Variants in AUH observed in about 807,000 individuals in gnomAD.
AUH encodes AU RNA binding methylglutaconyl-CoA hydratase.
A neutral mutation model predicts 42.3 loss-of-function variants in AUH; 29 were observed. The ratio of observed to expected loss-of-function variants is 0.69; its 90% CI spans 0.51 to 0.93. The LOEUF (loss-of-function observed/expected upper bound fraction) is 0.93, where lower values mean the gene tolerates loss of function less well. Among genes scored for constraint, AUH ranks in the 40% least tolerant of loss-of-function variants. The pLI, the probability that AUH is intolerant of heterozygous loss-of-function variation, is 0.00. For missense variants in AUH, 452 were observed against 438.1 expected, an observed-to-expected ratio of 1.03 and a Z score of -0.28; for synonymous variants, 174 against 166.4, an observed-to-expected ratio of 1.05 and a Z score of -0.35.
At chr9:91,280,463 G>A (rs1825875885) in intron 6 of AUH, among the ~76,000 whole-genome samples, 1 of 151,942 alleles carries the variant, frequency 6.6e-6, no homozygotes, top group Admixed American at 6.5e-5. Flanking sequence ...AAAAATGAGA[G>A]CAATAAACAC....
intron 4 of AUH, among the ~76,000 whole-genome samples, chr9:91,313,675 G>A (rs1043876736): frequency 2.2e-5 from 3 of 135,884 alleles, no homozygotes; most frequent in Non-Finnish European, 3.0e-5. Flanking sequence ...ACTGCAGTCC[G>A]CAGTCCGGCC....
chr9:91,297,293 G>T (rs1183339515), intron 5 of AUH, among the ~76,000 whole-genome samples: 1 of 152,184 alleles, frequency 6.6e-6, no homozygotes, highest in Non-Finnish European at 1.5e-5. Context: ...TACATGTCAA[G>T]TGCTAGAATA....
chr9:91,258,291 A>T (rs914846165), intron 6 of AUH, among the ~76,000 whole-genome samples: 12 of 152,134 alleles, frequency 7.9e-5, no homozygotes, highest in African/African-American at 2.9e-4. Context: ...GATGGAGTGC[A>T]ATCGTGTGAT....
intron 6 of AUH, among the ~76,000 whole-genome samples, chr9:91,283,489 C>T (rs372532344): frequency 1.3e-5 from 2 of 151,866 alleles, no homozygotes; most frequent in Non-Finnish European, 2.9e-5. Flanking sequence ...AAGAAATAAA[C>T]GGTATTCAAT....
intron 4 of AUH, among the ~76,000 whole-genome samples, chr9:91,316,660 T>C (rs1829182072): frequency 6.6e-6 from 1 of 152,222 alleles, no homozygotes; most frequent in South Asian, 2.1e-4. Flanking sequence ...TTCCTATGTC[T>C]ACCCTCACTC....
intron 6 of AUH, among the ~76,000 whole-genome samples, chr9:91,273,289 T>C (rs917464030): frequency 6.6e-6 from 1 of 152,152 alleles, no homozygotes; most frequent in Admixed American, 6.5e-5. Flanking sequence ...AACACACACA[T>C]GCACACAAAA....
At chr9:91,240,973 C>T (rs1179174412) in intron 6 of AUH, among the ~76,000 whole-genome samples, 2 of 152,150 alleles carry the variant, frequency 1.3e-5, no homozygotes, top group Admixed American at 6.5e-5. Context: ...GGAAAACAGC[C>T]AGCTGATGCC....
chr9:91,244,301 A>G (rs563080393), intron 6 of AUH, among the ~76,000 whole-genome samples: 1 of 152,372 alleles, frequency 6.6e-6, no homozygotes, highest in African/African-American at 2.4e-5. Context: ...TATTAATAGA[A>G]TATCAGTTAA....
chr9:91,327,456 A>C (rs1433324092), intron 3 of AUH, among the ~76,000 whole-genome samples: 1 of 152,148 alleles, frequency 6.6e-6, no homozygotes. Flanking sequence ...GGGATGAATC[A>C]GCACACACAC....
At chr9:91,307,587 C>T (rs1828326937) in intron 4 of AUH, among the ~76,000 whole-genome samples, 1 of 152,182 alleles carries the variant, frequency 6.6e-6, no homozygotes, top group Non-Finnish European at 1.5e-5. Flanking sequence ...ATCCCTTCTT[C>T]AACACAATAA....
intron 6 of AUH, among the ~76,000 whole-genome samples, chr9:91,250,973 G>A (rs184072106): frequency 3.9e-5 from 6 of 152,320 alleles, no homozygotes; most frequent in East Asian, 1.9e-4. Flanking sequence ...GAAACCACTC[G>A]TGGGTGGAGT....
At chr9:91,237,082 C>T (rs1047990794) in intron 6 of AUH, among the ~76,000 whole-genome samples, 2 of 152,170 alleles carry the variant, frequency 1.3e-5, no homozygotes, top group Admixed American at 1.3e-4. Flanking sequence ...CTATCAGCTA[C>T]AGATTATGTT....
chr9:91,221,644 G>C (rs921894358), intron 6 of AUH, among the ~76,000 whole-genome samples: 3 of 152,022 alleles, frequency 2.0e-5, no homozygotes, highest in Non-Finnish European at 4.4e-5. Flanking sequence ...GGAGTCAGAA[G>C]CCATGCATTT....
chr9:91,351,552 T>C (rs1297610243), intron 3 of AUH, among the ~76,000 whole-genome samples: 1 of 152,192 alleles, frequency 6.6e-6, no homozygotes, highest in African/African-American at 2.4e-5. Context: ...TACACAAACC[T>C]AGATGGTATA....
At chr9:91,299,028 G>A (rs1003390662) in intron 4 of AUH, among the ~76,000 whole-genome samples, 5 of 152,116 alleles carry the variant, frequency 3.3e-5, no homozygotes, top group African/African-American at 1.2e-4. Flanking sequence ...AGACCAGCCT[G>A]GCCAACATGG....
intron 6 of AUH, among the ~76,000 whole-genome samples, chr9:91,277,192 A>G (rs1825612928): frequency 6.6e-6 from 1 of 152,228 alleles, no homozygotes; most frequent in Non-Finnish European, 1.5e-5. Flanking sequence ...TAAAATGTTA[A>G]GGGCTAATAA....
chr9:91,235,122 C>T (rs887274172), intron 6 of AUH, among the ~76,000 whole-genome samples: 3 of 151,880 alleles, frequency 2.0e-5, no homozygotes, highest in African/African-American at 7.3e-5. Flanking sequence ...GACACAAAGG[C>T]ACTGGAGGAT....
At chr9:91,345,382 A>G (rs974088424) in intron 3 of AUH, among the ~76,000 whole-genome samples, 6 of 152,190 alleles carry the variant, frequency 3.9e-5, no homozygotes, top group Admixed American at 3.9e-4. Flanking sequence ...AAAAATCAAT[A>G]TACTAGCAAT....
chr9:91,336,817 T>A (rs74549720), intron 3 of AUH, among the ~76,000 whole-genome samples: 3,393 of 152,304 alleles, frequency 0.022, 215 homozygotes, highest in East Asian at 0.22. Context: ...TTCTTGGACT[T>A]GCACTGTAGA....
Sources: gnomAD v4.1 joint callset for allele counts (sites outside exome capture counted in the v4.1 genomes callset) on GRCh38, gnomAD v4.1.1 for gene constraint, MANE v1.5 for transcripts, NCBI Gene and HGNC (gene_info 2026-07-23, HGNC 2026-07-21) for gene names.